The following TMEM63C variants were observed in gnomAD, a reference collection of about 807,000 sequenced individuals.
TMEM63C encodes the protein osmosensitive cation channel TMEM63C.
TMEM63C carries 32 observed loss-of-function variants against 99.2 expected under a neutral mutation model. The observed-to-expected ratio is 0.32, with a 90% CI of 0.24 to 0.43. The LOEUF is 0.43. TMEM63C is among the 20% of genes least tolerant of loss of function. The pLI is 1.00. For missense variants in TMEM63C, 826 were observed against 1,053.0 expected (o/e 0.78, Z 2.98); for synonymous variants, 376 against 397.9 (o/e 0.94, Z 0.66).
Position 77,231,649 on chromosome 14 carries a change from C to G in TMEM63C, c.412C>G (p.His138Asp). 6.4e-7 allele frequency: 1 copy of G among 1,551,588 alleles called. No homozygotes were observed. Among genetic ancestry groups the G allele is most frequent in the Non-Finnish European group, 8.7e-7 (1 of 1,146,988 alleles). Residue 138 changes from histidine to aspartate, a missense_variant, in exon 7 of 24, where the codon CAC becomes GAC. Physicochemically the swap from His to Asp is moderately conservative, Grantham distance 81. Coordinates refer to ENST00000298351, the MANE Select transcript of TMEM63C (RefSeq NM_020431.4). ...GCGCATCTACATCGTGTTCCAGTACCACCTCATCATCTTTGTGCTCATCAT... is the reference window on the plus strand; with the variant it reads ...GCGCATCTACATCGTGTTCCAGTACGACCTCATCATCTTTGTGCTCATCAT... ...DARIYIVFQYHLIIFVLIICI... is the reference protein window; with the variant it reads ...DARIYIVFQYDLIIFVLIICI...
chr14:77,249,811 A>C (rs1889327501), intron 21 of TMEM63C, among the ~76,000 whole-genome samples: 1 of 152,188 alleles, frequency 6.6e-6, no homozygotes, highest in African/African-American at 2.4e-5. Context: ...GGGATCCCAT[A>C]AGATGCCTGG....
At chr14:77,186,614 C>T (rs1374943195) in intron 1 of TMEM63C, among the ~76,000 whole-genome samples, 2 of 152,076 alleles carry the variant, frequency 1.3e-5, no homozygotes, top group Non-Finnish European at 1.5e-5. Context: ...TCACTTGAGG[C>T]CAGAAGGTTT....
At chr14:77,250,526 G>A (rs1306395571) in intron 21 of TMEM63C, among the ~76,000 whole-genome samples, 6 of 149,490 alleles carry the variant, frequency 4.0e-5, no homozygotes, top group Admixed American at 2.7e-4. Context: ...TGCAACCTCC[G>A]CCTCCCGGGT....
At chr14:77,253,865 G>A (rs1889416893) in intron 23 of TMEM63C, among the ~76,000 whole-genome samples, 2 of 148,240 alleles carry the variant, frequency 1.3e-5, no homozygotes, top group Non-Finnish European at 3.0e-5. Flanking sequence ...GCAGAGTGCA[G>A]GGCCTGCAGG....
At position 77,246,685 on chromosome 14, in the gene TMEM63C, C is replaced by T. The variant is rs772729073; in HGVS notation, c.1601+11C>T. The T allele has an allele frequency of 1.6e-5, 25 of 1,610,224 alleles. No homozygotes were observed. The South Asian group carries it at 2.4e-4, about 16-fold the overall frequency. ...ATCCATCAGGTTCCAGTGAGTACTC[C>T]CATGTGTCCACCAGGGCTGCTGTGT... On this transcript the variant is annotated intron_variant, in intron 18 of 23. Transcript: ENST00000298351.
intron 5 of TMEM63C, among the ~76,000 whole-genome samples, chr14:77,222,425 G>A (rs1228708908): frequency 6.6e-6 from 1 of 152,148 alleles, no homozygotes; most frequent in Non-Finnish European, 1.5e-5. Context: ...AGCTCTAACT[G>A]ATCCCTTTAG....
intron 3 of TMEM63C, 40 bp from the exon 4 acceptor site, chr14:77,219,458 A>G (rs1888650418): frequency 6.2e-7 from 1 of 1,603,186 alleles, no homozygotes; most frequent in Non-Finnish European, 8.5e-7. Flanking sequence ...GAAGGGATCC[A>G]TGAAGTCTCC....
At chr14:77,249,904 G>A (rs997708373) in intron 21 of TMEM63C, among the ~76,000 whole-genome samples, 12 of 152,134 alleles carry the variant, frequency 7.9e-5, no homozygotes, top group African/African-American at 2.9e-4. Flanking sequence ...GCGCGATCAC[G>A]GCTCACTACA....
rs1242678952 is a variant in TMEM63C, at chr14:77,257,582, A to G, written c.*856A>G. ...CTCCCCAAAACTCTGTGTGGTGGGA[A>G]ACCAGCTATACCTCCCCAAGCCCCA... On this transcript the variant is annotated 3_prime_UTR_variant, in exon 24 of 24. Transcript: ENST00000298351. 1 of 152,180 alleles carries G rather than the reference A, an allele frequency of 6.6e-6. No homozygotes were observed. The highest frequency in any genetic ancestry group is 2.4e-5 in the African/African-American group (1 of 41,422). The allele number at this position is 152,180 out of a possible 1,614,324, so 9.4% of individuals were successfully genotyped here.
intron 6 of TMEM63C, among the ~76,000 whole-genome samples, chr14:77,227,598 G>T (rs1014707741): frequency 6.6e-6 from 1 of 152,228 alleles, no homozygotes; most frequent in African/African-American, 2.4e-5. Flanking sequence ...GTCATCCAAG[G>T]ATGTAAGACC....
At chr14:77,183,590 T>G (rs1887948514) in intron 1 of TMEM63C, among the ~76,000 whole-genome samples, 1 of 152,112 alleles carries the variant, frequency 6.6e-6, no homozygotes, top group South Asian at 2.1e-4. Flanking sequence ...GGACTTCATT[T>G]ATCTCCCTGA....
At chr14:77,192,178 C>G (rs531568660) in intron 1 of TMEM63C, among the ~76,000 whole-genome samples, 9 of 152,300 alleles carry the variant, frequency 5.9e-5, no homozygotes, top group Middle Eastern at 3.4e-3. Context: ...CTATGTGAGC[C>G]TTTACATCTA....
chr14:77,192,787 A>AAGGAGGAGG (rs913900453), intron 1 of TMEM63C, among the ~76,000 whole-genome samples: 1 of 151,872 alleles, frequency 6.6e-6, no homozygotes, highest in South Asian at 2.1e-4. Flanking sequence ...GACAAAGACG[A>AAGGAGGAGG]AGGAGGAGGA....
rs751878945 is a variant in TMEM63C, at chr14:77,243,015, A to G, written c.1300A>G (p.Ile434Val). 1.9e-6 allele frequency: 3 copies of G among 1,613,754 alleles called. No homozygotes were observed. The highest frequency in any genetic ancestry group is 2.5e-6 in the Non-Finnish European group (3 of 1,179,846). ...LTTPAIIMNTIDMYNVTRPIE... is the reference protein window; with the variant it reads ...LTTPAIIMNTVDMYNVTRPIE... ...CACGCCTGCCATCATCATGAACACT[A>G]TCGACATGTACAACGTCACCCGCCC... Residue 434 changes from isoleucine to valine, a missense_variant, in exon 15 of 24, where the codon ATC (isoleucine) becomes GTC (valine). Transcript: ENST00000298351.
chr14:77,227,091 A>G (rs1234103564), intron 6 of TMEM63C, among the ~76,000 whole-genome samples: 2 of 152,206 alleles, frequency 1.3e-5, no homozygotes, highest in African/African-American at 2.4e-5. Context: ...TGGCTGGCAT[A>G]CTGAGAATCT....
chr14:77,239,824 A>C, intron 12 of TMEM63C, 98 bp downstream of exon 12: 1 of 1,484,938 alleles, frequency 6.7e-7, no homozygotes. Flanking sequence ...CCCAGGCCTC[A>C]CTCAGGTCTG....
chr14:77,240,792 C>G (rs1478137981), intron 13 of TMEM63C, among the ~76,000 whole-genome samples, 184 bp downstream of exon 13: 1 of 152,210 alleles, frequency 6.6e-6, no homozygotes, highest in East Asian at 1.9e-4. Context: ...GCTGCTGGGG[C>G]CCAGCTGCTC....
At chr14:77,220,851 A>C (rs1424940222) in intron 5 of TMEM63C, among the ~76,000 whole-genome samples, 6 of 96,422 alleles carry the variant, frequency 6.2e-5, no homozygotes, top group Non-Finnish European at 7.9e-5. Flanking sequence ...CCACTTCCTC[A>C]CCTCTCACTC....
At chr14:77,234,807 G>T (rs1889007330) in intron 8 of TMEM63C, among the ~76,000 whole-genome samples, 1 of 152,182 alleles carries the variant, frequency 6.6e-6, no homozygotes, top group African/African-American at 2.4e-5. Context: ...CTACCCCAGG[G>T]GCGGTGCTGC....
Sources: allele counts gnomAD v4.1 joint callset (sites outside exome capture counted in the v4.1 genomes callset), GRCh38; gene constraint gnomAD v4.1.1; transcripts MANE v1.5; gene names NCBI Gene and HGNC (gene_info 2026-07-23, HGNC 2026-07-21).